The following DOCK9 variants were observed in gnomAD, a reference collection of about 807,000 sequenced individuals.
The protein encoded by DOCK9 is dedicator of cytokinesis 9, also known as dedicator of cytokinesis protein 9.
In DOCK9, 89 loss-of-function variants were observed where a neutral mutation model predicts 263.3. The observed-to-expected ratio is 0.34, with a 90% CI of 0.28 to 0.40. DOCK9 has a LOEUF of 0.40. Ranked by LOEUF, DOCK9 falls within the 10% of genes least tolerant of loss-of-function variation. DOCK9 has a pLI of 1.00. For missense variants in DOCK9, 2,140 were observed against 2,603.4 expected (o/e 0.82, Z 3.87); for synonymous variants, 976 against 973.1 (o/e 1.00, Z -0.06).
chr13:98,841,762 C>T (rs1194172872), intron 38 of DOCK9, among the ~76,000 whole-genome samples: 1 of 151,642 alleles, frequency 6.6e-6, no homozygotes, highest in Non-Finnish European at 1.5e-5. Flanking sequence ...GCTGGGATTA[C>T]AGGCATGCAC....
At chr13:99,037,559 G>C (rs1194150427) in intron 1 of DOCK9, among the ~76,000 whole-genome samples, 1 of 152,116 alleles carries the variant, frequency 6.6e-6, no homozygotes, top group Admixed American at 6.5e-5. Context: ...TTGCAGTTTT[G>C]TAAAAAGTAT....
intron 1 of DOCK9, among the ~76,000 whole-genome samples, chr13:99,008,206 C>CTATATA (rs1260500044): frequency 7.1e-5 from 5 of 70,876 alleles, no homozygotes; most frequent in African/African-American, 9.5e-5. Context: ...CTCTCTCTCT[C>CTATATA]TCTCTCTATA....
chr13:98,903,488 G>GGAGGCT (rs1032665951), intron 10 of DOCK9, among the ~76,000 whole-genome samples: 3 of 151,720 alleles, frequency 2.0e-5, no homozygotes, highest in Non-Finnish European at 2.9e-5. Flanking sequence ...CAGCTACTCG[G>GGAGGCT]GAGGCTGAGG....
chr13:98,999,316 A>ACTCTCTCTCTCTCTCT (rs903855891), intron 1 of DOCK9, among the ~76,000 whole-genome samples: 2 of 138,280 alleles, frequency 1.4e-5, no homozygotes, highest in African/African-American at 2.8e-5. Flanking sequence ...ACACACACAC[A>ACTCTCTCTCTCTCTCT]CTCTCTCTCT....
chr13:98,944,409 C>T (rs891671761), intron 2 of DOCK9, among the ~76,000 whole-genome samples: 3 of 141,968 alleles, frequency 2.1e-5, no homozygotes, highest in East Asian at 2.1e-4. Context: ...AAAGCTACTA[C>T]CCTCAGCAGG....
intron 1 of DOCK9, among the ~76,000 whole-genome samples, chr13:99,016,817 T>C (rs1885475155): frequency 6.6e-6 from 1 of 152,248 alleles, no homozygotes; most frequent in African/African-American, 2.4e-5. Flanking sequence ...GCTCTGATAT[T>C]ATTCCTTATT....
intron 32 of DOCK9, among the ~76,000 whole-genome samples, chr13:98,861,419 G>A (rs1220988935): frequency 1.3e-5 from 2 of 152,290 alleles, no homozygotes; most frequent in Non-Finnish European, 2.9e-5. Context: ...GCCAGTTCAT[G>A]AGTCCAAAGT....
intron 39 of DOCK9, among the ~76,000 whole-genome samples, chr13:98,833,746 C>T (rs1192348991): frequency 6.6e-6 from 1 of 152,166 alleles, no homozygotes; most frequent in East Asian, 1.9e-4. Flanking sequence ...CCAGACACAC[C>T]CCGGTTTCCT....
upstream of DOCK9, among the ~76,000 whole-genome samples, chr13:98,981,748 G>A (rs1206596997): frequency 1.3e-5 from 2 of 152,172 alleles, no homozygotes; most frequent in South Asian, 2.1e-4. Context: ...ATGGCACCGC[G>A]TTTAACCTCA....
chr13:98,811,875 C>A (rs560611080), intron 45 of DOCK9, among the ~76,000 whole-genome samples: 1 of 152,134 alleles, frequency 6.6e-6, no homozygotes, highest in East Asian at 1.9e-4. Flanking sequence ...CTTCCAGAAG[C>A]TTTATAGTTT....
Position 98,881,984 on chromosome 13 carries a change from G to A in DOCK9, c.2583C>T (p.His861=), listed in dbSNP as rs760453720. 94 of 1,595,050 alleles carry A rather than the reference G, an allele frequency of 5.9e-5. No homozygotes were observed. The highest frequency in any genetic ancestry group is 7.7e-5 in the Non-Finnish European group (90 of 1,170,732). The change falls in exon 24 of 53, where the codon CAC becomes CAT. Residue 861 remains histidine (H), a synonymous_variant. Transcript: ENST00000682017. The part of the protein sequence containing the change: ...YLKSLHAMEG[H]VMIAFLPTIL... ...TAGTGGGCAAGAAGGCGATCATCAC[G>A]TGGCCTTCCATCGCATGCAGACTCT...
At chr13:98,843,572 G>A (rs1403550078) in intron 38 of DOCK9, among the ~76,000 whole-genome samples, 1 of 152,198 alleles carries the variant, frequency 6.6e-6, no homozygotes, top group East Asian at 1.9e-4. Flanking sequence ...AATTCGGAAT[G>A]AGCAGGAATT....
chr13:99,057,058 A>C (rs2040959523), intron 1 of DOCK9, among the ~76,000 whole-genome samples: 1 of 152,204 alleles, frequency 6.6e-6, no homozygotes, highest in Non-Finnish European at 1.5e-5. Flanking sequence ...AAGAAAGTCA[A>C]TCTCCAGGCA....
intron 1 of DOCK9, among the ~76,000 whole-genome samples, chr13:98,994,475 G>C (rs1880539434): frequency 6.6e-6 from 1 of 152,176 alleles, no homozygotes; most frequent in African/African-American, 2.4e-5. Flanking sequence ...AGCCCAAAAT[G>C]TCAACAGTGC....
intron 1 of DOCK9, among the ~76,000 whole-genome samples, chr13:99,022,199 G>A (rs1886202076): frequency 6.6e-6 from 1 of 152,140 alleles, no homozygotes; most frequent in African/African-American, 2.4e-5. Context: ...AGTGAACAAA[G>A]GTGACGGGCA....
intron 38 of DOCK9, among the ~76,000 whole-genome samples, chr13:98,840,989 TCAAA>T (rs1475399596): frequency 6.6e-6 from 1 of 152,236 alleles, no homozygotes; most frequent in Non-Finnish European, 1.5e-5. Context: ...TTTATTGAGT[TCAAA>T]CATTTTTGCA....
rs2139679773 is a variant in DOCK9 at position 98,793,937 on chromosome 13, T to C, written c.*689A>G. 1.3e-5 allele frequency: 2 copies of C among 152,782 alleles called. No individual in the cohort carries two copies. Among genetic ancestry groups the C allele is most frequent in the Middle Eastern group, 3.4e-3 (1 of 294 alleles). The allele number at this position is 152,782 out of a possible 1,614,324, so 9.5% of individuals were successfully genotyped here. On this transcript the variant is annotated 3_prime_UTR_variant, in exon 53 of 53. Transcript: ENST00000682017. ...AATGCCAGGACTGTATTAACAATGA[T>C]ATGTACATAACAATATACTGTACTA...
intron 37 of DOCK9, 67 bp downstream of exon 37, chr13:98,848,525 A>G (rs1304014053): frequency 2.6e-6 from 4 of 1,538,528 alleles, no homozygotes; most frequent in Non-Finnish European, 3.5e-6. Flanking sequence ...CTGATGACCA[A>G]TCCCACACAA....
At chr13:98,944,807 T>C (rs2056495711) in intron 2 of DOCK9, among the ~76,000 whole-genome samples, 1 of 152,242 alleles carries the variant, frequency 6.6e-6, no homozygotes, top group South Asian at 2.1e-4. Flanking sequence ...CTATCAGGCC[T>C]CCACCTTCAT....
Sources: allele counts gnomAD v4.1 joint callset (sites outside exome capture counted in the v4.1 genomes callset), GRCh38; gene constraint gnomAD v4.1.1; transcripts MANE v1.5; gene names NCBI Gene and HGNC (gene_info 2026-07-23, HGNC 2026-07-21).